Variants in CACNB4 observed in about 807,000 individuals in gnomAD.
CACNB4 encodes calcium voltage-gated channel auxiliary subunit beta 4.
Under a neutral mutation model 71.2 loss-of-function variants are expected in CACNB4, and 32 were observed. The ratio of observed to expected loss-of-function variants is 0.45; its 90% CI spans 0.34 to 0.60. The LOEUF is 0.60. Among genes scored for constraint, CACNB4 ranks in the 20% least tolerant of loss-of-function variants. CACNB4 has a pLI of 0.01. For synonymous variants in CACNB4, 231 were observed against 236.9 expected (o/e 0.97, Z 0.23); for missense variants, 464 against 647.9 (o/e 0.72, Z 3.08).
At chr2:152,049,697 G>A (rs78929171) in intron 2 of CACNB4, among the ~76,000 whole-genome samples, 7 of 151,952 alleles carry the variant, frequency 4.6e-5, no homozygotes, top group Non-Finnish European at 7.4e-5. Context: ...TATAATATCC[G>A]AATCTACAGA....
Position 151,966,256 on chromosome 2 carries a change from G to A in CACNB4, c.148-82886C>T, listed in dbSNP as rs368296081. Among the ~76,000 whole-genome samples, 45 of 144,572 alleles carry A rather than the reference G, an allele frequency of 3.1e-4. No homozygotes were observed. The East Asian group carries it at 7.0e-3, about 23-fold the overall frequency. The allele number at this position is 144,572 out of a possible 152,430, so 94.8% of individuals were successfully genotyped here. ...AAGACCAAGATTCCCAACTCCCAGC[G>A]TTCTTTCTTTCTTTCTTTTTCTTTT... is the stretch of plus-strand genomic sequence containing the variant. On this transcript the variant is annotated intron_variant, in intron 2 of 13. Transcript: ENST00000539935.
intron 2 of CACNB4, chr2:151,971,829 C>T (rs2099872633): frequency 3.7e-6 from 2 of 535,910 alleles, no homozygotes; most frequent in Non-Finnish European, 6.8e-6. Flanking sequence ...CCCATACTCT[C>T]AACTGAGGAT....
At chr2:152,048,060 G>A (rs529952948) in intron 2 of CACNB4, among the ~76,000 whole-genome samples, 10 of 152,288 alleles carry the variant, frequency 6.6e-5, no homozygotes, top group African/African-American at 2.4e-4. Flanking sequence ...TTTTGTGCAT[G>A]CTGGGTGAGA....
intron 2 of CACNB4, among the ~76,000 whole-genome samples, chr2:151,903,269 T>C (rs1258065492): frequency 6.6e-6 from 1 of 152,082 alleles, no homozygotes; most frequent in Non-Finnish European, 1.5e-5. Context: ...ATCCCAGCAC[T>C]TTGGGGGGCT....
At chr2:151,950,569 C>G (rs1331769428) in intron 2 of CACNB4, among the ~76,000 whole-genome samples, 3 of 152,144 alleles carry the variant, frequency 2.0e-5, no homozygotes, top group Non-Finnish European at 4.4e-5. Flanking sequence ...TTGAACAAAC[C>G]TAGATGCTCA....
At chr2:151,884,733 A>C (rs1332925305) in intron 2 of CACNB4, among the ~76,000 whole-genome samples, 2 of 152,084 alleles carry the variant, frequency 1.3e-5, no homozygotes, top group East Asian at 3.9e-4. Context: ...CACCGCAAAA[A>C]ACCCTGGAGG....
rs148495092 is a variant in CACNB4 at position 151,964,643 on chromosome 2, T to C, written c.148-81273A>G. Among the ~76,000 whole-genome samples the C allele has an allele frequency of 5.4e-4, 83 of 152,338 alleles. No individual in the cohort carries two copies. In the East Asian group the frequency reaches 0.016, roughly 29 times the overall value. ...TTAAGATGTAGCCCTGTGTTAGACA[T>C]GTTAAACATGGGAGGAAAAGTGTGC... On this transcript the variant is annotated intron_variant, in intron 2 of 13. Transcript: ENST00000539935.
rs768385119 is a variant in CACNB4, at chr2:151,839,212, T to A, written c.1470A>T (p.Glu490Asp). Residue 490 changes from glutamate (E) to aspartate (D), a missense_variant, in exon 14 of 14, where the codon GAA becomes GAT. Glu to Asp is a conservative substitution (Grantham distance 45). Transcript: ENST00000539935. The stretch of plus-strand genomic sequence containing the variant: ...TGTCCTGGTATGAGTCAGGGTAATC[T>A]TCTTCCACAAGAGGGTAATGATCTC... ...HSRDHYPLVE[E>D]DYPDSYQDTY... The A allele has an allele frequency of 1.2e-5, 19 of 1,613,642 alleles. No individual in the cohort carries two copies. Among genetic ancestry groups the A allele is most frequent in the East Asian group, 2.2e-5 (1 of 44,886 alleles).
chr2:151,948,097 G>T (rs1315189365), intron 2 of CACNB4, among the ~76,000 whole-genome samples: 1 of 152,150 alleles, frequency 6.6e-6, no homozygotes, highest in Non-Finnish European at 1.5e-5. Context: ...TATTGCATTT[G>T]GATTGGTTGC....
intron 2 of CACNB4, among the ~76,000 whole-genome samples, chr2:151,993,653 C>T (rs1024522238): frequency 1.3e-5 from 2 of 151,134 alleles, no homozygotes; most frequent in African/African-American, 2.4e-5. Context: ...CAACCTCTGC[C>T]TCCCAGGTTC....
Position 152,098,887 on chromosome 2 carries a change from C to G in CACNB4, c.63+62G>C. The G allele has an allele frequency of 8.9e-7, 1 of 1,124,628 alleles. No individual in the cohort carries two copies. Among genetic ancestry groups the G allele is most frequent in the Non-Finnish European group, 1.2e-6 (1 of 853,476 alleles). The allele number at this position is 1,124,628 out of a possible 1,614,324, so 69.7% of individuals were successfully genotyped here. On this transcript the variant is annotated intron_variant, in intron 1 of 13. Transcript: ENST00000539935. The surrounding 1 kb of genome is among the most constrained non-coding windows in gnomAD (Gnocchi z 5.3). ...GGCACGAAGGCGGGGCGCGCTAGGG[C>G]GGCGGAGGAGGTGTGAGGAAGGAAG...
In CACNB4 at chr2:151,836,053, T is replaced by C. The variant is rs2099834824; in HGVS notation, c.*3066A>G. 1 of 151,930 alleles carries C rather than the reference T, an allele frequency of 6.6e-6. No individual in the cohort carries two copies. The highest frequency in any genetic ancestry group is 2.4e-5 in the African/African-American group (1 of 41,456). 9.4% of individuals were successfully genotyped at this position (151,930 alleles called of 1,614,324 possible). A position where few individuals can be genotyped will look rare whatever the true frequency, so the allele number is the denominator to read the frequency against. ...ATCATCATTTATAAACATTTCTAAG[T>C]GTTGCTTTAAATATTAAACAAGATA... is the stretch of plus-strand genomic sequence containing the variant. On this transcript the variant is annotated 3_prime_UTR_variant, in exon 14 of 14. Coordinates refer to ENST00000539935, the MANE Select transcript of CACNB4 (RefSeq NM_000726.5).
chr2:152,086,224 A>C (rs1687653975), intron 2 of CACNB4, among the ~76,000 whole-genome samples: 1 of 152,252 alleles, frequency 6.6e-6, no homozygotes, highest in Non-Finnish European at 1.5e-5. Context: ...GAGCAAGAGA[A>C]ATATGTATAT....
In CACNB4 at chr2:151,876,505, T is replaced by G. The variant is rs2099846289; in HGVS notation, c.442A>C (p.Ile148Leu). The change falls in exon 5 of 14, where the codon ATT becomes CTT. Residue 148 changes from isoleucine to leucine, a missense_variant. By Grantham distance (5) the Ile-to-Leu change is conservative. This residue lies in a region of CACNB4 where 299 missense variants were observed against 471.7 expected (regional missense o/e 0.63). Transcript: ENST00000539935. ...IGRLVKEGCE[I>L]GFIPSPLRLE... ...CTGAGTGGACTTGGAATGAAGCCAA[T>G]TTCACAGCCCTCTTTCACCAGCCTT... 2 of 1,603,858 alleles carry G rather than the reference T, an allele frequency of 1.2e-6. No homozygotes were observed. Among genetic ancestry groups the G allele is most frequent in the Non-Finnish European group, 1.7e-6 (2 of 1,172,884 alleles).
chr2:152,090,558 G>T (rs550978685), intron 2 of CACNB4, among the ~76,000 whole-genome samples: 17 of 151,692 alleles, frequency 1.1e-4, no homozygotes, highest in African/African-American at 3.6e-4. Context: ...CAGGAGAATT[G>T]CTTGAACCTG....
At chr2:152,010,655 G>A (rs1466460323) in intron 2 of CACNB4, among the ~76,000 whole-genome samples, 4 of 152,134 alleles carry the variant, frequency 2.6e-5, no homozygotes, top group African/African-American at 4.8e-5. Flanking sequence ...ACAGATAAAC[G>A]GTGCATGGGT....
intron 2 of CACNB4, among the ~76,000 whole-genome samples, chr2:151,896,861 T>C (rs561884316): frequency 6.6e-6 from 1 of 152,218 alleles, no homozygotes; most frequent in Admixed American, 6.5e-5. Flanking sequence ...ATAGATTTCA[T>C]TATCCACACT....
intron 2 of CACNB4, chr2:151,970,480 T>G (rs916555688): frequency 2.0e-5 from 3 of 152,072 alleles, no homozygotes; most frequent in African/African-American, 7.2e-5. Context: ...AACATCAAAA[T>G]ACACAATGAA....
chr2:151,883,015 C>T (rs562385544), intron 3 of CACNB4: 10 of 496,058 alleles, frequency 2.0e-5, no homozygotes, highest in South Asian at 4.2e-5. Context: ...AGTTGGAAGA[C>T]GACCAATAAT....
Sources: gnomAD v4.1 joint callset for allele counts (sites outside exome capture counted in the v4.1 genomes callset) on GRCh38, gnomAD v4.1.1 for gene constraint, gnomAD v4.1.1 regional missense constraint, Gnocchi (gnomAD v3.1) non-coding constraint, MANE v1.5 for transcripts, NCBI Gene and HGNC (gene_info 2026-07-23, HGNC 2026-07-21) for gene names.